PPP1R11: variants seen among roughly 807,000 people sequenced by gnomAD.
PPP1R11 encodes the protein protein phosphatase 1 regulatory inhibitor subunit 11.
In PPP1R11, 10 loss-of-function variants were observed where a neutral mutation model predicts 11.3. The observed-to-expected ratio is 0.88, with a 90% CI of 0.55 to 1.50. The LOEUF (loss-of-function observed/expected upper bound fraction) is 1.50, where lower values mean the gene tolerates loss of function less well. PPP1R11 is among the 40% of genes most tolerant of loss of function. The pLI is 0.00. For missense variants in PPP1R11, 114 were observed against 179.1 expected (o/e 0.64, Z 2.07); for synonymous variants, 56 against 62.3 (o/e 0.90, Z 0.48).
At chr6:30,067,538 G>A (rs1407308797) in intron 1 of PPP1R11, 59 bp downstream of exon 1, 15 of 1,564,066 alleles carry the variant, frequency 9.6e-6, no homozygotes, top group East Asian at 4.5e-5. Context: ...GGAGGGAGGG[G>A]ACAGGGATTA....
At chr6:30,068,497 G>A (rs1190364860) in intron 1 of PPP1R11, 93 bp from the exon 2 acceptor site, 2 of 996,628 alleles carry the variant, frequency 2.0e-6, no homozygotes, top group Non-Finnish European at 3.1e-6. Context: ...TACTGATTGA[G>A]CTAAAGAAGA....
At chr6:30,061,823 G>A, upstream of PPP1R11, 1 of 1,541,544 alleles carries the variant, frequency 6.5e-7, no homozygotes, top group South Asian at 1.2e-5. The surrounding 1 kb of genome is among the most constrained non-coding windows in gnomAD (Gnocchi z 5.0). Flanking sequence ...AAGGATGTAG[G>A]GCCTCCTGGC....
upstream of PPP1R11, among the ~76,000 whole-genome samples, chr6:30,065,795 G>A (rs143160942): frequency 4.9e-3 from 739 of 152,176 alleles, 3 homozygotes; most frequent in Non-Finnish European, 8.5e-3. The surrounding 1 kb of genome is among the most constrained non-coding windows in gnomAD (Gnocchi z 5.3). Flanking sequence ...ATGTGGCTCT[G>A]TATATGTGTG....
At chr6:30,067,978 CAAG>C (rs1490598180) in intron 1 of PPP1R11, among the ~76,000 whole-genome samples, 1 of 152,090 alleles carries the variant, frequency 6.6e-6, no homozygotes, top group Non-Finnish European at 1.5e-5. Flanking sequence ...AATGGAGAAA[CAAG>C]AAGTATTTAT....
In PPP1R11 at chr6:30,068,623, C is replaced by T. The variant is rs1316533150; in HGVS notation, c.103C>T (p.Arg35Trp). The T allele has an allele frequency of 3.7e-6, 6 of 1,612,772 alleles. No individual in the cohort carries two copies. The highest frequency in any genetic ancestry group is 2.2e-5 in the East Asian group (1 of 44,902). Residue 35 changes from arginine to tryptophan, a missense_variant, in exon 2 of 3, where the codon CGG becomes TGG. Coordinates refer to ENST00000376772, the MANE Select transcript of PPP1R11 (RefSeq NM_021959.3). ...NRSLTIKLRK[R>W]KPEKKVEWTS... ...GAGCCTTACCATCAAACTTCGGAAA[C>T]GGAAGCCAGAGAAAAAGGTAGAATG...
upstream of PPP1R11, among the ~76,000 whole-genome samples, chr6:30,066,125 A>G (rs1244922083): frequency 6.6e-6 from 1 of 152,174 alleles, no homozygotes; most frequent in African/African-American, 2.4e-5. Context: ...GAAATCTGAA[A>G]CAAACCTGTT....
chr6:30,064,525 A>G (rs1253275124), upstream of PPP1R11: 3 of 577,736 alleles, frequency 5.2e-6, no homozygotes, highest in African/African-American at 5.8e-5. Flanking sequence ...TTGTCTTGGA[A>G]TTAGAATTGG....
upstream of PPP1R11, chr6:30,061,944 C>T: frequency 1.9e-6 from 3 of 1,612,962 alleles, no homozygotes; most frequent in African/African-American, 1.3e-5. The surrounding 1 kb of genome is among the most constrained non-coding windows in gnomAD (Gnocchi z 5.0). Context: ...GTGAAGACTT[C>T]GGTTGTGTTC....
chr6:30,065,697 TAGAA>T (rs778319558), upstream of PPP1R11, among the ~76,000 whole-genome samples: 41 of 152,182 alleles, frequency 2.7e-4, 1 homozygote, highest in East Asian at 3.5e-3. This position sits in a 1 kb window ranked among gnomAD's most constrained non-coding sequence, Gnocchi z 5.3. Context: ...GATTCTTACA[TAGAA>T]AGAAAGAAAA....
rs770824731 is a variant in PPP1R11, at chr6:30,067,498, C to G, written c.69+19C>G. 1 of 1,610,636 alleles carries G rather than the reference C, an allele frequency of 6.2e-7. No homozygotes were observed. Among genetic ancestry groups the G allele is most frequent in the East Asian group, 2.2e-5 (1 of 44,844 alleles). On this transcript the variant is annotated intron_variant, in intron 1 of 2. Coordinates refer to ENST00000376772, the MANE Select transcript of PPP1R11 (RefSeq NM_021959.3). ...CGAGCCCGTGAGAAAGGCGGGGGGG[C>G]GGTGCTGTTTAGGGGTCTGGGAGAT... is the stretch of plus-strand genomic sequence containing the variant.
chr6:30,069,397 C>T lies in PPP1R11; in HGVS notation c.*91C>T. On this transcript the variant is annotated 3_prime_UTR_variant, in exon 3 of 3. Coordinates refer to ENST00000376772, the MANE Select transcript of PPP1R11 (RefSeq NM_021959.3). This position sits in a 1 kb window ranked among gnomAD's most constrained non-coding sequence, Gnocchi z 6.6. ...CAGCCCCCTCCTTCCCTCTCTTCTGCCTGATAGAGGGAAGAGGAAGAGGAG... is the reference window on the plus strand; with the variant it reads ...CAGCCCCCTCCTTCCCTCTCTTCTGTCTGATAGAGGGAAGAGGAAGAGGAG... The T allele has an allele frequency of 9.6e-7, 1 of 1,043,382 alleles. No homozygotes were observed. The highest frequency in any genetic ancestry group is 1.4e-6 in the Non-Finnish European group (1 of 722,948). The allele number at this position is 1,043,382 out of a possible 1,614,324, so 64.6% of individuals were successfully genotyped here.
At chr6:30,061,525 A>AT in the PPP1R11 span, 1 of 1,612,872 alleles carries the variant, frequency 6.2e-7, no homozygotes. This position sits in a 1 kb window ranked among gnomAD's most constrained non-coding sequence, Gnocchi z 5.0. Flanking sequence ...ACCCGACCGC[A>AT]TGTCTGTCAT....
At chr6:30,062,714 C>CCTTTTTTTTTTTTTTTTTTT (rs749507630), upstream of PPP1R11, among the ~76,000 whole-genome samples, 11 of 42,388 alleles carry the variant, frequency 2.6e-4, 1 homozygote, top group South Asian at 2.7e-3. Context: ...CCACGCCTGG[C>CCTTTTTTTTTTTTTTTTTTT]TTTTTTTTTT....
chr6:30,061,712 T>A, upstream of PPP1R11: 1 of 1,610,194 alleles, frequency 6.2e-7, no homozygotes. This position sits in a 1 kb window ranked among gnomAD's most constrained non-coding sequence, Gnocchi z 5.0. Context: ...GGGCGCAGGG[T>A]CGGAAGCTTG....
chr6:30,063,400 T>A (rs977604043), upstream of PPP1R11, among the ~76,000 whole-genome samples: 1 of 151,936 alleles, frequency 6.6e-6, no homozygotes, highest in Admixed American at 6.6e-5. This position sits in a 1 kb window ranked among gnomAD's most constrained non-coding sequence, Gnocchi z 4.1. Context: ...ATTTCAAGTA[T>A]TATTATTTTT....
upstream of PPP1R11, among the ~76,000 whole-genome samples, chr6:30,062,636 C>T (rs374626831): frequency 2.6e-4 from 38 of 144,472 alleles, 1 homozygote; most frequent in East Asian, 3.2e-3. Context: ...CTGCAACCTC[C>T]GCCTCCTGGG....
At chr6:30,068,495 G>A in intron 1 of PPP1R11, 95 bp from the exon 2 acceptor site, 4 of 967,736 alleles carry the variant, frequency 4.1e-6, no homozygotes, top group South Asian at 1.5e-5. Context: ...GGTACTGATT[G>A]AGCTAAAGAA....
chr6:30,067,307 T>C lies in PPP1R11; in HGVS notation c.-104T>C. On this transcript the variant is annotated 5_prime_UTR_variant, in exon 1 of 3. Coordinates refer to ENST00000376772, the MANE Select transcript of PPP1R11 (RefSeq NM_021959.3). ...AATAAAGAAGGTGGAGGATCCTGGC[T>C]ACCACTCTGAATCCGATACCGCTTC... The C allele has an allele frequency of 8.2e-7, 1 of 1,221,864 alleles. No homozygotes were observed. The highest frequency in any genetic ancestry group is 1.2e-6 in the Non-Finnish European group (1 of 844,164). The allele number at this position is 1,221,864 out of a possible 1,614,324, so 75.7% of individuals were successfully genotyped here.
Position 30,069,429 on chromosome 6 carries a change from C to A in PPP1R11, c.*123C>A. The A allele has an allele frequency of 1.2e-6, 1 of 815,352 alleles. No individual in the cohort carries two copies. Among genetic ancestry groups the A allele is most frequent in the Non-Finnish European group, 1.9e-6 (1 of 540,382 alleles). 50.5% of individuals were successfully genotyped at this position (815,352 alleles called of 1,614,324 possible). A position where few individuals can be genotyped will look rare whatever the true frequency, so the allele number is the denominator to read the frequency against. On this transcript the variant is annotated 3_prime_UTR_variant, in exon 3 of 3. Transcript: ENST00000376772. The surrounding 1 kb of genome is among the most constrained non-coding windows in gnomAD (Gnocchi z 6.6). ...GAGGGAAGAGGAAGAGGAGGACGAA[C>A]AGAGATCCTGAAATTCTGACTTGCT...
Sources: gnomAD v4.1 joint callset for allele counts (sites outside exome capture counted in the v4.1 genomes callset) on GRCh38, gnomAD v4.1.1 for gene constraint, Gnocchi (gnomAD v3.1) non-coding constraint, MANE v1.5 for transcripts, NCBI Gene and HGNC (gene_info 2026-07-23, HGNC 2026-07-21) for gene names.